Variants in GOLGA7 observed in about 807,000 individuals in gnomAD.
GOLGA7 encodes the protein golgin subfamily A member 7.
GOLGA7 carries 10 observed loss-of-function variants against 21.1 expected under a neutral mutation model. The observed-to-expected ratio is 0.47, with a 90% confidence interval of 0.29 to 0.80. The LOEUF (loss-of-function observed/expected upper bound fraction) is 0.80, where lower values mean the gene tolerates loss of function less well. Among genes scored for constraint, GOLGA7 ranks in the 30% least tolerant of loss-of-function variants. The pLI, the probability that GOLGA7 is intolerant of heterozygous loss-of-function variation, is 0.08. For missense variants in GOLGA7, 114 were observed against 166.8 expected (o/e 0.68, Z 1.74); for synonymous variants, 64 against 62.6 (o/e 1.02, Z -0.10).
At chr8:41,495,565 T>C (rs1043513914) in intron 1 of GOLGA7, among the ~76,000 whole-genome samples, 3 of 150,458 alleles carry the variant, frequency 2.0e-5, no homozygotes, top group Non-Finnish European at 4.4e-5. Context: ...ATTACAGGAA[T>C]GAGCCACCAC....
chr8:41,499,711 C>T (rs945719673), intron 2 of GOLGA7, among the ~76,000 whole-genome samples: 4 of 152,254 alleles, frequency 2.6e-5, no homozygotes, highest in African/African-American at 9.6e-5. Flanking sequence ...TGTCTGCCTG[C>T]TGGGGTCTCA....
intron 2 of GOLGA7, among the ~76,000 whole-genome samples, chr8:41,498,044 A>T (rs1806062889): frequency 6.6e-6 from 1 of 152,146 alleles, no homozygotes; most frequent in Non-Finnish European, 1.5e-5. Context: ...CTGATTTCTC[A>T]ACTTAAGATG....
In GOLGA7 at chr8:41,510,026, C is replaced by G. The variant is rs1806382824; in HGVS notation, c.*458C>G. On this transcript the variant is annotated 3_prime_UTR_variant, in exon 5 of 5. Transcript: ENST00000357743. The stretch of plus-strand genomic sequence containing the variant: ...CCTAAATTAATAAAATGTTTTTCTC[C>G]AGGATTTTGGTGAGGGTTGGCTGTG... The G allele has an allele frequency of 6.6e-6, 1 of 152,284 alleles. No homozygotes were observed. The highest frequency in any genetic ancestry group is 6.6e-5 in the Admixed American group (1 of 15,242). 9.4% of individuals were successfully genotyped at this position (152,284 alleles called of 1,614,324 possible).
At chr8:41,503,774 C>A (rs1423157379) in intron 2 of GOLGA7, among the ~76,000 whole-genome samples, 1 of 135,228 alleles carries the variant, frequency 7.4e-6, no homozygotes, top group Admixed American at 7.7e-5. Context: ...TGATCTATAT[C>A]TCTGTTTTGG....
At chr8:41,497,071 A>G (rs933692659) in intron 1 of GOLGA7, among the ~76,000 whole-genome samples, 5 of 151,302 alleles carry the variant, frequency 3.3e-5, no homozygotes, top group Non-Finnish European at 7.4e-5. Flanking sequence ...CAGCCTCCCA[A>G]AGTGCTGGGA....
At chr8:41,505,162 A>G (rs1471304548) in intron 2 of GOLGA7, among the ~76,000 whole-genome samples, 1 of 152,184 alleles carries the variant, frequency 6.6e-6, no homozygotes, top group Non-Finnish European at 1.5e-5. Context: ...GAGATTTGGC[A>G]ATTTCCAGAA....
chr8:41,506,250 T>G (rs925402672), intron 3 of GOLGA7, among the ~76,000 whole-genome samples: 3 of 152,162 alleles, frequency 2.0e-5, no homozygotes, highest in Non-Finnish European at 2.9e-5. Flanking sequence ...GTCACCATCT[T>G]TCCTGGTGGT....
chr8:41,497,994 C>G (rs1806061679), intron 2 of GOLGA7, among the ~76,000 whole-genome samples: 2 of 152,260 alleles, frequency 1.3e-5, no homozygotes, highest in African/African-American at 4.8e-5. Flanking sequence ...CACCTGAGTT[C>G]TTACTTTCTC....
At chr8:41,504,035 G>C (rs940059044) in intron 2 of GOLGA7, among the ~76,000 whole-genome samples, 1 of 148,532 alleles carries the variant, frequency 6.7e-6, no homozygotes, top group Non-Finnish European at 1.5e-5. Flanking sequence ...ACACATTAGT[G>C]GGTGCAGCGC....
chr8:41,508,396 A>G (rs1307272226), intron 4 of GOLGA7, among the ~76,000 whole-genome samples: 1 of 152,262 alleles, frequency 6.6e-6, no homozygotes, highest in African/African-American at 2.4e-5. Context: ...GATCTAAATC[A>G]TGATATCTAT....
At chr8:41,490,579 G>A (rs751675586), upstream of GOLGA7, 1 of 451,204 alleles carries the variant, frequency 2.2e-6, no homozygotes, top group East Asian at 4.1e-5. Flanking sequence ...AAGTGACGGC[G>A]AAGGCGGTGC....
chr8:41,505,757 T>A (rs989476951), intron 2 of GOLGA7, 154 bp from the exon 3 acceptor site: 13 of 512,430 alleles, frequency 2.5e-5, no homozygotes, highest in Admixed American at 7.8e-5. Context: ...ATGCAACTCA[T>A]GTGAGCCAAG....
In GOLGA7 at chr8:41,510,476, A is replaced by G. The variant is rs1445446137; in HGVS notation, c.*908A>G. ...AAAAATTTGATAGGAATAATACTGTATATTACTAATTTTTAACTATCCCTA... is the reference window on the plus strand; with the variant it reads ...AAAAATTTGATAGGAATAATACTGTGTATTACTAATTTTTAACTATCCCTA... On this transcript the variant is annotated 3_prime_UTR_variant, in exon 5 of 5. Transcript: ENST00000357743. 2.6e-5 allele frequency: 4 copies of G among 152,658 alleles called. No individual in the cohort carries two copies. Among genetic ancestry groups the G allele is most frequent in the Non-Finnish European group, 5.9e-5 (4 of 68,038 alleles). The allele number at this position is 152,658 out of a possible 1,614,324, so 9.5% of individuals were successfully genotyped here. A position where few individuals can be genotyped will look rare whatever the true frequency, so the allele number is the denominator to read the frequency against.
At chr8:41,496,371 C>T (rs1032148393) in intron 1 of GOLGA7, among the ~76,000 whole-genome samples, 1 of 152,074 alleles carries the variant, frequency 6.6e-6, no homozygotes, top group Non-Finnish European at 1.5e-5. Flanking sequence ...CTTGTGGTAT[C>T]ATGTCAGTGC....
At chr8:41,504,147 C>CA (rs1000995524) in intron 2 of GOLGA7, among the ~76,000 whole-genome samples, 29 of 129,400 alleles carry the variant, frequency 2.2e-4, no homozygotes, top group South Asian at 5.0e-4. Flanking sequence ...CAAAACAAAA[C>CA]AAAAAAAAAA....
rs1168377889 is a variant in GOLGA7 at position 41,490,589 on chromosome 8, C to T, written c.-266C>T. The T allele has an allele frequency of 1.3e-5, 6 of 463,964 alleles. No individual in the cohort carries two copies. Among genetic ancestry groups the T allele is most frequent in the African/African-American group, 2.1e-5 (1 of 48,352 alleles). 28.7% of individuals were successfully genotyped at this position (463,964 alleles called of 1,614,324 possible). A position where few individuals can be genotyped will look rare whatever the true frequency, so the allele number is the denominator to read the frequency against. ...GACGTAAGTGACGGCGAAGGCGGTG[C>T]GACAGCAGCTGGAGGGCAGAGGAGG... On this transcript the variant is annotated 5_prime_UTR_variant, in exon 1 of 5. Coordinates refer to ENST00000357743, the MANE Select transcript of GOLGA7 (RefSeq NM_001002296.2).
Position 41,492,664 on chromosome 8 carries a change from A to G in GOLGA7, c.111+1699A>G, listed in dbSNP as rs533407232. Among the ~76,000 whole-genome samples the G allele has an allele frequency of 3.9e-5, 6 of 152,388 alleles. No individual in the cohort carries two copies. The South Asian group carries it at 1.2e-3, about 32-fold the overall frequency. On this transcript the variant is annotated intron_variant, in intron 1 of 4. Coordinates refer to ENST00000357743, the MANE Select transcript of GOLGA7 (RefSeq NM_001002296.2). ...GCGACAGAGCAAGACTCTTGTCTCA[A>G]AAAATAAATCAAATAAAAAGATATA...
At chr8:41,503,206 TA>T (rs35017365) in intron 2 of GOLGA7, among the ~76,000 whole-genome samples, 85,666 of 148,446 alleles carry the variant, frequency 0.58, 25,688 homozygotes, top group South Asian at 0.76. Context: ...CTAAAGTTTA[TA>T]AAAAAAAAAA....
intron 1 of GOLGA7, among the ~76,000 whole-genome samples, chr8:41,493,194 G>A (rs1805927202): frequency 6.6e-6 from 1 of 152,292 alleles, no homozygotes. Context: ...TATGTGTGTT[G>A]AGATTAAATT....
Sources: allele counts gnomAD v4.1 joint callset (sites outside exome capture counted in the v4.1 genomes callset), GRCh38; gene constraint gnomAD v4.1.1; transcripts MANE v1.5; gene names NCBI Gene and HGNC (gene_info 2026-07-23, HGNC 2026-07-21).